Variants in DHX57 observed in about 807,000 individuals in gnomAD.
The protein encoded by DHX57 is DExH-box helicase 57.
DHX57 carries 105 observed loss-of-function variants against 156.2 expected under a neutral mutation model. That is an observed-to-expected ratio of 0.67 (90% confidence interval 0.57 to 0.79). The LOEUF is 0.79. Ranked by LOEUF, DHX57 falls within the 30% of genes least tolerant of loss-of-function variation. The probability of loss-of-function intolerance (pLI) is 0.00; values close to 1 mark genes in which losing one functional copy is unlikely to be tolerated. For synonymous variants in DHX57, 704 were observed against 595.6 expected (o/e 1.18, Z -2.65); for missense variants, 1,847 against 1,661.9 (o/e 1.11, Z -1.94).
At chr2:38,800,068 C>G (rs13419028) in intron 23 of DHX57, among the ~76,000 whole-genome samples, 1 of 151,694 alleles carries the variant, frequency 6.6e-6, no homozygotes, top group Non-Finnish European at 1.5e-5. Context: ...GCCTGTAATC[C>G]CAGCTACTTG....
chr2:38,851,620 C>G (rs1406434291), intron 9 of DHX57, among the ~76,000 whole-genome samples: 1 of 152,052 alleles, frequency 6.6e-6, no homozygotes, highest in African/African-American at 2.4e-5. Context: ...TTCTACAGAT[C>G]CTTAGGTTTT....
chr2:38,827,313 G>A (rs938361159), intron 14 of DHX57, among the ~76,000 whole-genome samples: 5 of 150,036 alleles, frequency 3.3e-5, no homozygotes, highest in African/African-American at 4.9e-5. Flanking sequence ...CAAGCCTAGT[G>A]CAAACTAACC....
chr2:38,810,371 T>C (rs1670177806), intron 21 of DHX57: 21 of 479,100 alleles, frequency 4.4e-5, no homozygotes, highest in South Asian at 3.0e-4. Flanking sequence ...ATCACAACAA[T>C]TAGTGCCTGT....
rs556241312 is a variant in DHX57, at chr2:38,855,050, T to C, written c.1905+7A>G. On this transcript the variant is annotated splice_region_variant and intron_variant, in intron 8 of 23. Coordinates refer to ENST00000457308, the MANE Select transcript of DHX57 (RefSeq NM_198963.3). ...CTGTTACCAGGAAATAAGCAGAGCA[T>C]ACAAACCTTGACACTTTCTAACCGA... The C allele has an allele frequency of 3.7e-5, 60 of 1,614,146 alleles. No individual in the cohort carries two copies. The East Asian group carries it at 1.2e-3, about 32-fold the overall frequency.
At chr2:38,864,552 C>T (rs145179716) in intron 2 of DHX57, among the ~76,000 whole-genome samples, 2 of 152,026 alleles carry the variant, frequency 1.3e-5, no homozygotes, top group Non-Finnish European at 2.9e-5. Context: ...AAACTATATG[C>T]CAATCTCTTT....
Position 38,868,266 on chromosome 2 carries a change from C to T in DHX57, c.140G>A (p.Gly47Asp), listed in dbSNP as rs149129160. 5.0e-6 allele frequency: 8 copies of T among 1,613,860 alleles called. No homozygotes were observed. The East Asian group carries it at 6.7e-5, about 13-fold the overall frequency. The change falls in exon 2 of 24, where the codon GGT becomes GAT. Residue 47 changes from glycine to aspartate, a missense_variant. Physicochemically the swap from Gly to Asp is moderately conservative, Grantham distance 94. Transcript: ENST00000457308. Reference protein sequence around the residue: ...GGGGGGGGGGGGGNRKASSRI... With the variant: ...GGGGGGGGGGDGGNRKASSRI... ...ACTGGAGGCCTTTCTGTTGCCGCCACCTCCACCACCACCACCACCGCCACC... is the reference window on the plus strand; with the variant it reads ...ACTGGAGGCCTTTCTGTTGCCGCCATCTCCACCACCACCACCACCGCCACC...
In DHX57 at chr2:38,863,461, T is replaced by C. The variant is rs767167408; in HGVS notation, c.283A>G (p.Lys95Glu). ...ESRPKWKPKA[K>E]VPLQTLHMTS... Reference sequence around the variant, plus strand: ...ATATGTAGAGTCTGAAGGGGTACTTTGGCTTTGGGTTTCCATTTTGGGCGT... The same window carrying C: ...ATATGTAGAGTCTGAAGGGGTACTTCGGCTTTGGGTTTCCATTTTGGGCGT... The change falls in exon 3 of 24, where the codon AAA (lysine) becomes GAA (glutamate). Residue 95 changes from lysine to glutamate, a missense_variant. Physicochemically the swap from Lys to Glu is moderately conservative, Grantham distance 56 (BLOSUM62 1). Coordinates refer to ENST00000457308, the MANE Select transcript of DHX57 (RefSeq NM_198963.3). 4 of 1,614,060 alleles carry C rather than the reference T, an allele frequency of 2.5e-6. No homozygotes were observed. The South Asian group carries it at 3.3e-5, about 13-fold the overall frequency.
intron 13 of DHX57, 27 bp downstream of exon 13, chr2:38,837,804 T>C (rs1366782887): frequency 1.4e-6 from 2 of 1,387,350 alleles, no homozygotes; most frequent in Admixed American, 3.4e-5. Flanking sequence ...TCAATTGTCA[T>C]TCAAGCCTTA....
chr2:38,823,920 G>A (rs932649526), intron 16 of DHX57, among the ~76,000 whole-genome samples: 1 of 152,188 alleles, frequency 6.6e-6, no homozygotes, highest in South Asian at 2.1e-4. Context: ...GCTGAGGCAG[G>A]AGAATCACTT....
intron 19 of DHX57, among the ~76,000 whole-genome samples, chr2:38,818,619 C>G (rs1670662791): frequency 6.6e-6 from 1 of 152,162 alleles, no homozygotes; most frequent in Non-Finnish European, 1.5e-5. Flanking sequence ...AGCAATCTTA[C>G]TGCCTATATT....
chr2:38,870,683 T>C (rs922087024), intron 1 of DHX57, among the ~76,000 whole-genome samples: 1 of 152,004 alleles, frequency 6.6e-6, no homozygotes, highest in African/African-American at 2.4e-5. Context: ...ATCGAGACCA[T>C]CTTGGCTAAC....
At chr2:38,845,419 T>C (rs1178717782) in intron 11 of DHX57, among the ~76,000 whole-genome samples, 1 of 152,078 alleles carries the variant, frequency 6.6e-6, no homozygotes, top group African/African-American at 2.4e-5. Flanking sequence ...GGTTTTTACC[T>C]TGAGAATATA....
At chr2:38,851,246 T>C (rs957325031) in intron 9 of DHX57, among the ~76,000 whole-genome samples, 1 of 152,180 alleles carries the variant, frequency 6.6e-6, no homozygotes, top group Non-Finnish European at 1.5e-5. Context: ...AATTATAACA[T>C]GTAACTAGCA....
At chr2:38,874,444 C>T (rs925075848) in intron 1 of DHX57, among the ~76,000 whole-genome samples, 1 of 136,668 alleles carries the variant, frequency 7.3e-6, no homozygotes, top group South Asian at 2.3e-4. Flanking sequence ...GAGTCTCACT[C>T]TGTCGCCCAG....
At chr2:38,828,624 G>C (rs982612995) in intron 13 of DHX57, among the ~76,000 whole-genome samples, 188 bp from the exon 14 acceptor site, 10 of 152,064 alleles carry the variant, frequency 6.6e-5, no homozygotes, top group Non-Finnish European at 1.0e-4. Flanking sequence ...TCGGCAGGCT[G>C]AGGTAGGAGG....
intron 3 of DHX57, chr2:38,862,993 A>G (rs1313946905): frequency 5.9e-6 from 1 of 170,286 alleles, no homozygotes; most frequent in African/African-American, 2.4e-5. Context: ...TCTTAGGCAG[A>G]CAGTCATGAC....
At chr2:38,867,387 T>C (rs1665136407) in intron 2 of DHX57, 1 of 152,246 alleles carries the variant, frequency 6.6e-6, no homozygotes, top group Non-Finnish European at 1.5e-5. Flanking sequence ...TTAGAATTAC[T>C]AGAATTCCCA....
chr2:38,854,464 C>G (rs1672775330), intron 8 of DHX57: 1 of 204,168 alleles, frequency 4.9e-6, no homozygotes, highest in African/African-American at 2.3e-5. Flanking sequence ...GATTATGTCC[C>G]AAGTTCAAGA....
intron 5 of DHX57, among the ~76,000 whole-genome samples, chr2:38,859,784 A>G (rs979261276): frequency 6.6e-5 from 10 of 151,458 alleles, no homozygotes; most frequent in Non-Finnish European, 1.3e-4. Flanking sequence ...TTTCTCTGGA[A>G]GAAAGATAGA....
Sources: allele counts gnomAD v4.1 joint callset (sites outside exome capture counted in the v4.1 genomes callset), GRCh38; gene constraint gnomAD v4.1.1; transcripts MANE v1.5; gene names NCBI Gene and HGNC (gene_info 2026-07-23, HGNC 2026-07-21).